The following RGS14 variants were observed in gnomAD, a reference collection of about 807,000 sequenced individuals.
RGS14 encodes the protein regulator of G-protein signaling 14.
RGS14 carries 33 observed loss-of-function variants against 63.8 expected under a neutral mutation model. That is an observed-to-expected ratio of 0.52 (90% CI 0.39 to 0.69). The LOEUF is 0.69. Among genes scored for constraint, RGS14 ranks in the 30% least tolerant of loss-of-function variants. The pLI is 0.00. For missense variants in RGS14, 739 were observed against 742.9 expected, an observed-to-expected ratio of 0.99 and a Z score of 0.06; for synonymous variants, 296 against 320.9, an observed-to-expected ratio of 0.92 and a Z score of 0.83.
chr5:177,370,613 G>C lies in RGS14; in HGVS notation c.1076G>C (p.Cys359Ser). Residue 359 changes from cysteine (C) to serine (S), a missense_variant, in exon 10 of 15, where the codon TGC (cysteine) becomes TCC (serine). Coordinates refer to ENST00000408923, the MANE Select transcript of RGS14 (RefSeq NM_006480.5). ...AAGGCCCTGGTCCTGGATCAGGACT[G>C]CACCGTGCTGGCGGATCAGGAAGTG... ...NEQALVLDQD[C>S]TVLADQEVRL... 6.2e-7 allele frequency: 1 copy of C among 1,614,090 alleles called. No individual in the cohort carries two copies. Among genetic ancestry groups the C allele is most frequent in the South Asian group, 1.1e-5 (1 of 91,090 alleles).
At chr5:177,370,333 A>G (rs1581622968) in intron 9 of RGS14, among the ~76,000 whole-genome samples, 1 of 152,304 alleles carries the variant, frequency 6.6e-6, no homozygotes, top group South Asian at 2.1e-4. Flanking sequence ...GCCAGCAGCT[A>G]CGTTTCTCGT....
Position 177,364,438 on chromosome 5 carries a change from G to C in RGS14, c.46-1525G>C, listed in dbSNP as rs1762045557. The stretch of plus-strand genomic sequence containing the variant: ...GCTTCCATTTGGGACTTCCATTTGG[G>C]AGCTTGAGGGCTTGTGGGACATTTG... On this transcript the variant is annotated intron_variant, in intron 1 of 14. Coordinates refer to ENST00000408923, the MANE Select transcript of RGS14 (RefSeq NM_006480.5). The surrounding 1 kb of genome is among the most constrained non-coding windows in gnomAD (Gnocchi z 4.6). Among the ~76,000 whole-genome samples, 1 of 152,178 alleles carries C rather than the reference G, an allele frequency of 6.6e-6. No individual in the cohort carries two copies.
At chr5:177,363,062 G>A (rs1054456575) in intron 1 of RGS14, among the ~76,000 whole-genome samples, 2 of 152,148 alleles carry the variant, frequency 1.3e-5, no homozygotes, top group Non-Finnish European at 2.9e-5. Context: ...CGATGACTGC[G>A]TCTCCGAGGC....
At chr5:177,360,790 G>A (rs1286657291) in intron 1 of RGS14, among the ~76,000 whole-genome samples, 2 of 152,222 alleles carry the variant, frequency 1.3e-5, no homozygotes, top group Non-Finnish European at 2.9e-5. Context: ...GTATGTGCCT[G>A]TAGTCCCAGC....
intron 1 of RGS14, among the ~76,000 whole-genome samples, chr5:177,361,042 G>C (rs1051605650): frequency 1.3e-5 from 2 of 152,224 alleles, no homozygotes; most frequent in African/African-American, 4.8e-5. Context: ...AGTTAAGCCT[G>C]GAGGGGCAGT....
At chr5:177,368,340 C>T in intron 8 of RGS14, 74 bp downstream of exon 8, 2 of 1,451,332 alleles carry the variant, frequency 1.4e-6, no homozygotes, top group South Asian at 2.7e-5. Context: ...ACGTGGTGGC[C>T]CTCATTCCAA....
intron 1 of RGS14, among the ~76,000 whole-genome samples, chr5:177,363,420 A>G (rs1762018446): frequency 6.6e-6 from 1 of 151,766 alleles, no homozygotes; most frequent in Admixed American, 6.6e-5. Flanking sequence ...CGGGCTCCAG[A>G]TGGGAAGCGA....
intron 3 of RGS14, 107 bp from the exon 4 acceptor site, chr5:177,366,601 G>T (rs201536293): frequency 2.3e-5 from 24 of 1,035,756 alleles, no homozygotes; most frequent in African/African-American, 3.7e-5. Flanking sequence ...TGTCTGTCTG[G>T]CTTGGTCTCT....
chr5:177,368,012 C>T, intron 7 of RGS14, 145 bp from the exon 8 acceptor site: 3 of 1,451,314 alleles, frequency 2.1e-6, no homozygotes, highest in South Asian at 1.4e-5. Flanking sequence ...GTTTGGAAAT[C>T]TCCAACGGTG....
rs368181197 is a variant in RGS14, at chr5:177,370,920, G to A, written c.1143G>A (p.Ala381=). The change falls in exon 11 of 15, where the codon GCG becomes GCA. Residue 381 remains alanine, a synonymous_variant. Coordinates refer to ENST00000408923, the MANE Select transcript of RGS14 (RefSeq NM_006480.5). The stretch of plus-strand genomic sequence containing the variant: ...TTCCTCGCAGGCTGGAGCTGACGGC[G>A]CTGGAGCGCGTGGTACGAATCTCAG... ...NRITFELELT[A]LERVVRISAK... is the part of the protein sequence containing the mutation. The A allele has an allele frequency of 6.8e-6, 11 of 1,605,944 alleles. 1 individual carries two copies. The African/African-American group carries it at 8.0e-5, about 12-fold the overall frequency.
At chr5:177,367,096 A>G in intron 5 of RGS14, 62 bp downstream of exon 5, 2 of 1,543,226 alleles carry the variant, frequency 1.3e-6, no homozygotes, top group South Asian at 2.5e-5. Context: ...GCGGGGTCGG[A>G]CCCTGGCGGG....
rs778757673 is a variant in RGS14 at position 177,371,046 on chromosome 5, C to CGCGGCGGCCCGGAAGCTCACCCGGG, written c.1254+19_1254+20insCGGCCCGGAAGCTCACCCGGGGCGG. On this transcript the variant is annotated intron_variant, in intron 11 of 14. Coordinates refer to ENST00000408923, the MANE Select transcript of RGS14 (RefSeq NM_006480.5). The surrounding 1 kb of genome is among the most constrained non-coding windows in gnomAD (Gnocchi z 6.1). ...TGCTGCACCGGGTGAGCTTCCGGGC[C>CGCGGCGGCCCGGAAGCTCACCCGGG]GCGGGGCGGGGCGGGGCGGGGCCGG... 1 of 1,357,032 alleles carries CGCGGCGGCCCGGAAGCTCACCCGGG rather than the reference C, an allele frequency of 7.4e-7. No homozygotes were observed. The highest frequency in any genetic ancestry group is 2.4e-5 in the African/African-American group (1 of 41,692). 84.1% of individuals were successfully genotyped at this position (1,357,032 alleles called of 1,614,324 possible).
chr5:177,362,784 G>A (rs1331850225), intron 1 of RGS14, among the ~76,000 whole-genome samples: 1 of 152,134 alleles, frequency 6.6e-6, no homozygotes, highest in Non-Finnish European at 1.5e-5. Context: ...GAAAGGGCCC[G>A]GGTTGGCACC....
Position 177,370,574 on chromosome 5 carries a change from C to T in RGS14, c.1054-17C>T, listed in dbSNP as rs973875412. 1 of 1,612,790 alleles carries T rather than the reference C, an allele frequency of 6.2e-7. No homozygotes were observed. The highest frequency in any genetic ancestry group is 1.3e-5 in the African/African-American group (1 of 74,882). Reference sequence around the variant, plus strand: ...TTGGGGGAGGGACTCTTAGACCCTGCCTGGCATCCACAGAAGGCCCTGGTC... The same window carrying T: ...TTGGGGGAGGGACTCTTAGACCCTGTCTGGCATCCACAGAAGGCCCTGGTC... On this transcript the variant is annotated splice_polypyrimidine_tract_variant and intron_variant, in intron 9 of 14. Transcript: ENST00000408923.
In RGS14 at chr5:177,368,614, C is replaced by T. The variant is rs117043730; in HGVS notation, c.850-103C>T. The T allele has an allele frequency of 4.2e-4, 483 of 1,150,686 alleles. 8 individuals are homozygous for T. In the South Asian group the frequency reaches 6.1e-3, roughly 14 times the overall value. 71.3% of individuals were successfully genotyped at this position (1,150,686 alleles called of 1,614,324 possible). A position where few individuals can be genotyped will look rare whatever the true frequency, so the allele number is the denominator to read the frequency against. ...CGTATCTTTGCCTGCCTTGGGAGTG[C>T]GTGTGCATGCTTGAGCCCCAGCAAG... On this transcript the variant is annotated intron_variant, in intron 8 of 14. Coordinates refer to ENST00000408923, the MANE Select transcript of RGS14 (RefSeq NM_006480.5).
At chr5:177,367,589 G>A (rs1446745581) in intron 6 of RGS14, 32 bp downstream of exon 6, 1 of 1,591,084 alleles carries the variant, frequency 6.3e-7, no homozygotes, top group Non-Finnish European at 8.6e-7. Flanking sequence ...ACTGGGCGAG[G>A]CAGGGGGTCC....
In RGS14 at chr5:177,357,967, T is replaced by A. The variant is rs574328974; in HGVS notation, c.-58T>A. 3.3e-5 allele frequency: 43 copies of A among 1,306,892 alleles called. No individual in the cohort carries two copies. The highest frequency in any genetic ancestry group is 4.2e-5 in the Non-Finnish European group (43 of 1,020,268). The allele number at this position is 1,306,892 out of a possible 1,614,324, so 81.0% of individuals were successfully genotyped here. ...CCACCGTGCAAGCTCTGGCCGGCGC[T>A]GCCCACAGTCCCCATGGTGGGCAGC... On this transcript the variant is annotated 5_prime_UTR_variant, in exon 1 of 15. Coordinates refer to ENST00000408923, the MANE Select transcript of RGS14 (RefSeq NM_006480.5).
intron 8 of RGS14, 124 bp downstream of exon 8, chr5:177,368,390 G>A (rs1762160442): frequency 9.6e-7 from 1 of 1,042,786 alleles, no homozygotes; most frequent in Admixed American, 2.7e-5. Flanking sequence ...GCTCTGCGTA[G>A]CCAACCCTTC....
At chr5:177,365,762 A>G (rs1408664304) in intron 1 of RGS14, among the ~76,000 whole-genome samples, 1 of 152,066 alleles carries the variant, frequency 6.6e-6, no homozygotes, top group African/African-American at 2.4e-5. Context: ...GGTACCTGCC[A>G]TAAGTCCCAG....
Sources: gnomAD v4.1 joint callset for allele counts (sites outside exome capture counted in the v4.1 genomes callset) on GRCh38, gnomAD v4.1.1 for gene constraint, Gnocchi (gnomAD v3.1) non-coding constraint, MANE v1.5 for transcripts, NCBI Gene and HGNC (gene_info 2026-07-23, HGNC 2026-07-21) for gene names.